ZNF782: variants seen among roughly 807,000 people sequenced by gnomAD.
ZNF782 encodes the protein zinc finger protein 782.
In ZNF782, 12 loss-of-function variants were observed where a neutral mutation model predicts 13.0. That is an observed-to-expected ratio of 0.92 (90% confidence interval 0.59 to 1.50). ZNF782 has a LOEUF of 1.50. Among genes scored for constraint, ZNF782 ranks in the 40% most tolerant of loss-of-function variants. The probability of loss-of-function intolerance (pLI) is 0.00; values close to 1 mark genes in which losing one functional copy is unlikely to be tolerated. For synonymous variants in ZNF782, 284 were observed against 283.0 expected, an observed-to-expected ratio of 1.00 and a Z score of -0.04; for missense variants, 770 against 822.9, an observed-to-expected ratio of 0.94 and a Z score of 0.79.
chr9:96,900,741 CAAACA>C, the ZNF782 span, among the ~76,000 whole-genome samples: 6 of 152,292 alleles, frequency 3.9e-5, no homozygotes, highest in East Asian at 1.9e-4. Flanking sequence ...AACTCTGTCT[CAAACA>C]AAACAAAACA....
At chr9:96,926,666 G>A in the ZNF782 span, among the ~76,000 whole-genome samples, 1 of 152,024 alleles carries the variant, frequency 6.6e-6, no homozygotes, top group African/African-American at 2.4e-5. Flanking sequence ...ATATTGGATA[G>A]GAGTTAGGAA....
At chr9:96,876,382 C>T (rs2118899224), upstream of ZNF782, among the ~76,000 whole-genome samples, 1 of 152,304 alleles carries the variant, frequency 6.6e-6, no homozygotes, top group African/African-American at 2.4e-5. Flanking sequence ...TTTCTTAAAT[C>T]AAGGACATGC....
At chr9:96,883,134 C>T in the ZNF782 span, among the ~76,000 whole-genome samples, 55 of 152,114 alleles carry the variant, frequency 3.6e-4, no homozygotes, top group African/African-American at 1.1e-3. Context: ...AGCTAGACAT[C>T]GAAACAAAAC....
At position 96,844,950 on chromosome 9, in the gene ZNF782, C is replaced by T. The variant is rs755482809; in HGVS notation, c.82G>A (p.Val28Ile). 4 of 1,614,050 alleles carry T rather than the reference C, an allele frequency of 2.5e-6. No homozygotes were observed. Among genetic ancestry groups the T allele is most frequent in the Non-Finnish European group, 3.4e-6 (4 of 1,179,948 alleles). The change falls in exon 4 of 6, where the codon GTT (valine) becomes ATT (isoleucine). Residue 28 changes from valine (V) to isoleucine (I), a missense_variant. Val to Ile is a conservative substitution (Grantham distance 29). Coordinates refer to ENST00000481138, the MANE Select transcript of ZNF782 (RefSeq NM_001001662.3). ...SQEEWQHMGPVERTLYRDVML... is the reference protein window; with the variant it reads ...SQEEWQHMGPIERTLYRDVML... ...ACATCTCTGTACAGGGTCCTCTCAACAGGGCCCATGTGCTGCCACTCCTCC... is the reference window on the plus strand; with the variant it reads ...ACATCTCTGTACAGGGTCCTCTCAATAGGGCCCATGTGCTGCCACTCCTCC...
the ZNF782 span, among the ~76,000 whole-genome samples, chr9:96,886,391 T>C: frequency 6.6e-6 from 1 of 152,186 alleles, no homozygotes; most frequent in East Asian, 1.9e-4. Context: ...TCTTAAATGA[T>C]AATTGAGTGT....
the ZNF782 span, among the ~76,000 whole-genome samples, chr9:96,897,743 C>G: frequency 6.6e-6 from 1 of 150,826 alleles, no homozygotes; most frequent in African/African-American, 2.5e-5. Flanking sequence ...TTGCTCTAGG[C>G]TATTGCTCCA....
rs1851504058 is a variant in ZNF782 at position 96,852,003 on chromosome 9, CAGCTGGG to C, written c.-44-5_-43del. ...GAGAGTATAGAGAACTGTAAAGCCT[CAGCTGGG>C]GGGACAGAAAGAGGATGTCACACGG... On this transcript the variant is annotated splice_acceptor_variant and splice_polypyrimidine_tract_variant and 5_prime_UTR_variant and intron_variant, in exon 3 of 6. Transcript: ENST00000481138. LOFTEE classifies it low-confidence loss of function (5UTR_SPLICE). 6.2e-7 allele frequency: 1 copy of C among 1,605,504 alleles called. No homozygotes were observed. The highest frequency in any genetic ancestry group is 1.7e-5 in the Admixed American group (1 of 59,894).
the ZNF782 span, among the ~76,000 whole-genome samples, chr9:96,923,555 AACCAC>A: frequency 7.5e-6 from 1 of 133,572 alleles, no homozygotes. Flanking sequence ...CAAATATGTA[AACCAC>A]AGTGTACATC....
At chr9:96,918,268 G>A in the ZNF782 span, among the ~76,000 whole-genome samples, 2,853 of 147,570 alleles carry the variant, frequency 0.019, 65 homozygotes, top group African/African-American at 0.068. Flanking sequence ...GGGCGAGGTG[G>A]CCTGTGCCTG....
chr9:96,881,986 TG>T, the ZNF782 span, among the ~76,000 whole-genome samples: 2 of 83,298 alleles, frequency 2.4e-5, no homozygotes, highest in Admixed American at 1.5e-4. Context: ...TTTGGAAGTA[TG>T]AGTGTGTGTG....
chr9:96,901,408 A>T, the ZNF782 span, among the ~76,000 whole-genome samples: 1 of 149,464 alleles, frequency 6.7e-6, no homozygotes, highest in South Asian at 2.1e-4. Context: ...AGTAACTGGG[A>T]CTACAGATGT....
chr9:96,922,609 A>T, the ZNF782 span, among the ~76,000 whole-genome samples: 10 of 152,238 alleles, frequency 6.6e-5, no homozygotes, highest in African/African-American at 2.4e-4. Flanking sequence ...CGTCTCTACT[A>T]AAAAAATCCA....
upstream of ZNF782, among the ~76,000 whole-genome samples, chr9:96,879,313 CCT>C (rs935059387): frequency 6.6e-6 from 1 of 151,840 alleles, no homozygotes; most frequent in East Asian, 1.9e-4. Flanking sequence ...ACGGTGAAAC[CCT>C]GTCTCCACTA....
chr9:96,907,733 C>T, the ZNF782 span, among the ~76,000 whole-genome samples: 18 of 151,936 alleles, frequency 1.2e-4, no homozygotes, highest in African/African-American at 4.1e-4. Flanking sequence ...CTCCATCTCC[C>T]GGGTTCAAGC....
intron 3 of ZNF782, among the ~76,000 whole-genome samples, chr9:96,848,125 T>C (rs973465176): frequency 6.6e-6 from 1 of 152,138 alleles, no homozygotes; most frequent in African/African-American, 2.4e-5. Context: ...TGTACCTTTA[T>C]AAAAGCTCTC....
At chr9:96,930,688 G>C in the ZNF782 span, among the ~76,000 whole-genome samples, 1 of 148,216 alleles carries the variant, frequency 6.7e-6, no homozygotes, top group Non-Finnish European at 1.5e-5. Flanking sequence ...TGCTCCCTGG[G>C]AACTGAGCTT....
At chr9:96,929,280 G>A in the ZNF782 span, among the ~76,000 whole-genome samples, 2 of 152,286 alleles carry the variant, frequency 1.3e-5, no homozygotes, top group African/African-American at 4.8e-5. Flanking sequence ...AAAGGATGGA[G>A]AGGATGGCTT....
chr9:96,933,125 C>G, the ZNF782 span, among the ~76,000 whole-genome samples: 1 of 151,118 alleles, frequency 6.6e-6, no homozygotes, highest in Admixed American at 6.6e-5. Flanking sequence ...CTACAGGTGC[C>G]CGCCACCATG....
intron 4 of ZNF782, among the ~76,000 whole-genome samples, chr9:96,830,331 G>A (rs1588154050): frequency 9.5e-6 from 1 of 104,982 alleles, no homozygotes; most frequent in South Asian, 2.6e-4. Context: ...GAGGGCTGAC[G>A]GGGCTGAGAC....
Sources: allele counts gnomAD v4.1 joint callset (sites outside exome capture counted in the v4.1 genomes callset), GRCh38; gene constraint gnomAD v4.1.1; transcripts MANE v1.5; gene names NCBI Gene and HGNC (gene_info 2026-07-23, HGNC 2026-07-21).